The following HEATR4 variants were observed in gnomAD, a reference collection of about 807,000 sequenced individuals.
HEATR4 encodes HEAT repeat containing 4.
In HEATR4, 95 loss-of-function variants were observed where a neutral mutation model predicts 108.8. That is an observed-to-expected ratio of 0.87 (90% confidence interval 0.74 to 1.04). The LOEUF (loss-of-function observed/expected upper bound fraction) is 1.04, where lower values mean the gene tolerates loss of function less well. HEATR4 is among the 50% of genes least tolerant of loss of function. The pLI, the probability that HEATR4 is intolerant of heterozygous loss-of-function variation, is 0.00. For synonymous variants in HEATR4, 443 were observed against 459.4 expected (o/e 0.96, Z 0.46); for missense variants, 1,152 against 1,253.8 (o/e 0.92, Z 1.23).
At chr14:73,561,413 T>G (rs7151745), upstream of HEATR4, among the ~76,000 whole-genome samples, 37,180 of 150,488 alleles carry the variant, frequency 0.25, 4,746 homozygotes, top group East Asian at 0.36. Context: ...ATGGGCCAGG[T>G]GCAGTGGCTC....
intron 1 of HEATR4, among the ~76,000 whole-genome samples, chr14:73,551,259 C>T (rs8005864): frequency 0.58 from 65,224 of 112,798 alleles, 27,140 homozygotes; most frequent in African/African-American, 0.78. Context: ...CCTTTACCCT[C>T]CATGATCCCT....
chr14:73,519,037 G>A lies in HEATR4; in HGVS notation c.1196C>T (p.Ala399Val). Reference protein sequence around the residue: ...PETPEKWSAQAIPEASYRPVQ... With the variant: ...PETPEKWSAQVIPEASYRPVQ... ...TTCCTGCTTACATGCTTCAGGAATT[G>A]CCTGGGCACTCCACTTTTCTGGAGT... Residue 399 changes from alanine (A) to valine (V), a missense_variant, in exon 5 of 18, where the codon GCA becomes GTA. By Grantham distance (64) the Ala-to-Val change is moderately conservative (BLOSUM62 0). Coordinates refer to ENST00000553558, the MANE Select transcript of HEATR4 (RefSeq NM_001220484.1). 1 of 1,613,370 alleles carries A rather than the reference G, an allele frequency of 6.2e-7. No homozygotes were observed. Among genetic ancestry groups the A allele is most frequent in the Non-Finnish European group, 8.5e-7 (1 of 1,179,746 alleles).
chr14:73,491,791 C>T, intron 17 of HEATR4: 9 of 1,587,342 alleles, frequency 5.7e-6, no homozygotes, highest in African/African-American at 1.3e-5. Flanking sequence ...AGGTGCAGTT[C>T]GGCCAGCATT....
intron 4 of HEATR4, among the ~76,000 whole-genome samples, 189 bp from the exon 5 acceptor site, chr14:73,519,352 A>C (rs1179389122): frequency 6.6e-6 from 1 of 152,064 alleles, no homozygotes; most frequent in Non-Finnish European, 1.5e-5. Flanking sequence ...GTGATAAATC[A>C]CTATAGTGTC....
chr14:73,612,984 C>T, the HEATR4 span: 5 of 1,093,656 alleles, frequency 4.6e-6, no homozygotes, highest in African/African-American at 1.7e-5. Context: ...CGGCGCGAGC[C>T]GGTGCGCGCG....
Position 73,478,637 on chromosome 14 carries a change from G to C in HEATR4, c.3050C>G (p.Ser1017Cys), listed in dbSNP as rs752552811. 1.9e-6 allele frequency: 3 copies of C among 1,613,630 alleles called. No homozygotes were observed. Among genetic ancestry groups the C allele is most frequent in the Non-Finnish European group, 1.7e-6 (2 of 1,179,752 alleles). The change falls in exon 18 of 18, where the codon TCT becomes TGT. Residue 1017 changes from serine (S) to cysteine (C), a missense_variant. Transcript: ENST00000553558. The stretch of plus-strand genomic sequence containing the variant: ...ATGAGCACCTTTCTTTCCAGAGGGA[G>C]AAGACATGATGGGAGAAAAAAATGT... ...ERTFFSPIMS[S>C]PSGKKGAHL
rs747141988 is a variant in HEATR4 at position 73,492,325 on chromosome 14, G to T, written c.2844+741C>A. On this transcript the variant is annotated intron_variant, in intron 17 of 17. Coordinates refer to ENST00000553558, the MANE Select transcript of HEATR4 (RefSeq NM_001220484.1). The surrounding 1 kb of genome is among the most constrained non-coding windows in gnomAD (Gnocchi z 4.9). Reference sequence around the variant, plus strand: ...GGGGTGACTTCTTAGAGGCCATACTGCCTCTGGCAGTGCAGGCTGCAATGG... The same window carrying T: ...GGGGTGACTTCTTAGAGGCCATACTTCCTCTGGCAGTGCAGGCTGCAATGG... 1 of 1,614,016 alleles carries T rather than the reference G, an allele frequency of 6.2e-7. No homozygotes were observed. Among genetic ancestry groups the T allele is most frequent in the South Asian group, 1.1e-5 (1 of 91,080 alleles).
At chr14:73,504,191 C>G (rs1284936594) in intron 10 of HEATR4, among the ~76,000 whole-genome samples, 6 of 151,420 alleles carry the variant, frequency 4.0e-5, no homozygotes, top group Non-Finnish European at 7.4e-5. Context: ...GACTCTCCTG[C>G]CTGAGCCTCC....
intron 11 of HEATR4, among the ~76,000 whole-genome samples, chr14:73,502,465 C>T (rs558516078): frequency 1.0e-3 from 158 of 152,184 alleles, no homozygotes; most frequent in African/African-American, 3.5e-3. Flanking sequence ...TTTGTAGGGA[C>T]TGTTAATTTT....
At chr14:73,607,237 G>T in the HEATR4 span, among the ~76,000 whole-genome samples, 1 of 152,212 alleles carries the variant, frequency 6.6e-6, no homozygotes, top group Non-Finnish European at 1.5e-5. Flanking sequence ...TTGAACCTGG[G>T]AAGCAGAGGT....
chr14:73,623,606 G>A, the HEATR4 span, among the ~76,000 whole-genome samples: 4 of 152,280 alleles, frequency 2.6e-5, no homozygotes, highest in South Asian at 6.2e-4. Context: ...AGGATTGGTT[G>A]AGCCCAGGAA....
chr14:73,526,895 T>G (rs1053961493), intron 2 of HEATR4, among the ~76,000 whole-genome samples: 1 of 151,424 alleles, frequency 6.6e-6, no homozygotes, highest in Non-Finnish European at 1.5e-5. Context: ...GCCATGGGAG[T>G]GCTCATGTCA....
At chr14:73,633,497 T>C in the HEATR4 span, among the ~76,000 whole-genome samples, 184 of 152,332 alleles carry the variant, frequency 1.2e-3, 1 homozygote, top group Admixed American at 0.011. Context: ...GTTTAAACTT[T>C]AACTTTGATA....
At chr14:73,605,159 C>T in the HEATR4 span, among the ~76,000 whole-genome samples, 1 of 151,984 alleles carries the variant, frequency 6.6e-6, no homozygotes, top group Admixed American at 6.6e-5. Context: ...AACATAAGGG[C>T]CCTTTAGATA....
the HEATR4 span, among the ~76,000 whole-genome samples, chr14:73,615,401 A>AAC: frequency 3.0e-3 from 283 of 93,670 alleles, 4 homozygotes; most frequent in African/African-American, 8.7e-3. Flanking sequence ...AAAAAAAAAA[A>AAC]AAAAAACAAA....
intron 17 of HEATR4, chr14:73,491,060 C>T (rs766012749): frequency 4.4e-6 from 7 of 1,590,592 alleles, no homozygotes; most frequent in South Asian, 2.3e-5. Context: ...GAGGCGCGGG[C>T]GGCCGAAGCG....
chr14:73,598,712 C>T, the HEATR4 span, among the ~76,000 whole-genome samples: 198 of 151,948 alleles, frequency 1.3e-3, no homozygotes, highest in African/African-American at 4.7e-3. Context: ...ACTAAAAATA[C>T]AAAAATTAGG....
the HEATR4 span, chr14:73,616,797 C>T: frequency 1.3e-4 from 58 of 463,714 alleles, no homozygotes; most frequent in Admixed American, 1.1e-3. Context: ...GTGCACCTGT[C>T]GCCTGAGTAG....
chr14:73,589,309 CTTTT>C, the HEATR4 span, among the ~76,000 whole-genome samples: 1 of 139,152 alleles, frequency 7.2e-6, no homozygotes, highest in African/African-American at 3.3e-5. Context: ...TCTTCCTTCC[CTTTT>C]TTCTTTTCTT....
Sources: allele counts gnomAD v4.1 joint callset (sites outside exome capture counted in the v4.1 genomes callset), GRCh38; gene constraint gnomAD v4.1.1; non-coding constraint Gnocchi (gnomAD v3.1); transcripts MANE v1.5; gene names NCBI Gene and HGNC (gene_info 2026-07-23, HGNC 2026-07-21).